ANKRD30BL: variants seen among roughly 807,000 people sequenced by gnomAD.
ANKRD30BL encodes putative ankyrin repeat domain-containing protein 30B-like.
A neutral mutation model predicts 18.4 loss-of-function variants in ANKRD30BL; 20 were observed. The ratio of observed to expected loss-of-function variants is 1.09; its 90% CI spans 0.77 to 1.58. ANKRD30BL has a LOEUF of 1.58. Among genes scored for constraint, ANKRD30BL ranks in the 40% most tolerant of loss-of-function variants. ANKRD30BL has a pLI of 0.00. For synonymous variants in ANKRD30BL, 72 were observed against 100.9 expected (o/e 0.71, Z 1.72); for missense variants, 224 against 268.6 (o/e 0.83, Z 1.16).
At chr2:132,188,229 C>T (rs967053379) in intron 1 of ANKRD30BL, among the ~76,000 whole-genome samples, 1 of 152,136 alleles carries the variant, frequency 6.6e-6, no homozygotes. Flanking sequence ...GCATTTTGCA[C>T]TCTATACCAT....
At chr2:132,160,590 C>A (rs985795385) in intron 1 of ANKRD30BL, among the ~76,000 whole-genome samples, 5 of 151,676 alleles carry the variant, frequency 3.3e-5, no homozygotes, top group South Asian at 2.1e-4. Flanking sequence ...AGGCGCCCAC[C>A]ACCACGCCCG....
At chr2:132,162,276 C>T (rs941245864), upstream of ANKRD30BL, among the ~76,000 whole-genome samples, 37 of 152,210 alleles carry the variant, frequency 2.4e-4, no homozygotes, top group Admixed American at 2.4e-3. Flanking sequence ...CTGGAGGCTT[C>T]TGGCCCAAGT....
chr2:132,161,615 A>C lies in ANKRD30BL; in HGVS notation c.91T>G (p.Ser31Ala), dbSNP rs569306619. Residue 31 changes from serine (S) to alanine (A), a missense_variant, in exon 1 of 6, where the codon TCT becomes GCT. Coordinates refer to ENST00000409867, the MANE Select transcript of ANKRD30BL (RefSeq NM_001358416.1). ...FSQLVYTNND[S>A]YVIHHGDLRK... The stretch of plus-strand genomic sequence containing the variant: ...AGATCCCCATGGTGAATCACGTAAG[A>C]GTCGTTGTTGGTGTAGACCAGCTGA... 55 of 1,453,436 alleles carry C rather than the reference A, an allele frequency of 3.8e-5. No homozygotes were observed. The South Asian group carries it at 6.5e-4, about 17-fold the overall frequency. 90.0% of individuals were successfully genotyped at this position (1,453,436 alleles called of 1,614,324 possible).
chr2:132,220,295 T>C (rs951845683), intron 1 of ANKRD30BL, among the ~76,000 whole-genome samples: 1 of 145,544 alleles, frequency 6.9e-6, no homozygotes, highest in Non-Finnish European at 1.5e-5. Context: ...TCCCTCTCCC[T>C]CTCCCTGTCC....
chr2:132,219,870 G>A (rs199817826), intron 1 of ANKRD30BL, among the ~76,000 whole-genome samples: 126 of 149,232 alleles, frequency 8.4e-4, no homozygotes, highest in Non-Finnish European at 1.3e-3. Flanking sequence ...ACTTCTTTGT[G>A]ATGTGTGCAT....
At chr2:132,189,348 C>T (rs541777012) in intron 1 of ANKRD30BL, among the ~76,000 whole-genome samples, 1 of 152,252 alleles carries the variant, frequency 6.6e-6, no homozygotes, top group African/African-American at 2.4e-5. Flanking sequence ...TTGTGGTTTG[C>T]CTTATATCTT....
At chr2:132,225,963 G>A (rs1057381213) in intron 1 of ANKRD30BL, among the ~76,000 whole-genome samples, 1 of 152,096 alleles carries the variant, frequency 6.6e-6, no homozygotes, top group African/African-American at 2.4e-5. Context: ...GAATCTGCAA[G>A]TGGACATTTG....
chr2:132,200,401 T>A (rs1239606190), intron 1 of ANKRD30BL, among the ~76,000 whole-genome samples: 1 of 152,150 alleles, frequency 6.6e-6, no homozygotes, highest in East Asian at 1.9e-4. Flanking sequence ...AATCCCATTG[T>A]CTCAGCCCAA....
intron 1 of ANKRD30BL, among the ~76,000 whole-genome samples, chr2:132,187,516 G>A (rs1324827044): frequency 4.6e-5 from 7 of 151,660 alleles, no homozygotes; most frequent in African/African-American, 7.3e-5. Flanking sequence ...GGTTTTCACC[G>A]TGTTAGCAAG....
chr2:132,208,583 A>T (rs1214349977), intron 1 of ANKRD30BL, among the ~76,000 whole-genome samples: 3 of 152,130 alleles, frequency 2.0e-5, no homozygotes, highest in Admixed American at 6.6e-5. Flanking sequence ...CTAAATAGTG[A>T]AGACACTCTG....
chr2:132,195,140 T>C (rs1425140631), intron 1 of ANKRD30BL, among the ~76,000 whole-genome samples: 2 of 151,966 alleles, frequency 1.3e-5, no homozygotes, highest in African/African-American at 4.8e-5. Flanking sequence ...AGGAGTACAG[T>C]AGTTGGAAGA....
intron 1 of ANKRD30BL, among the ~76,000 whole-genome samples, chr2:132,218,112 T>A (rs1171845224): frequency 6.6e-6 from 1 of 151,898 alleles, no homozygotes; most frequent in Non-Finnish European, 1.5e-5. Flanking sequence ...TGGAAACGGG[T>A]ATATCTTCAC....
At chr2:132,203,809 TGTA>T (rs555563120) in intron 1 of ANKRD30BL, among the ~76,000 whole-genome samples, 1 of 152,172 alleles carries the variant, frequency 6.6e-6, no homozygotes, top group Non-Finnish European at 1.5e-5. Context: ...TTACCAATGA[TGTA>T]GTAGATTAAT....
chr2:132,224,720 C>T (rs1679793752), intron 1 of ANKRD30BL, among the ~76,000 whole-genome samples: 2 of 151,502 alleles, frequency 1.3e-5, no homozygotes, highest in Non-Finnish European at 2.9e-5. Flanking sequence ...GTAGAAACTT[C>T]CTTTTCATAG....
At chr2:132,257,019 G>A (rs545157048) in intron 1 of ANKRD30BL, 88 of 512,066 alleles carry the variant, frequency 1.7e-4, no homozygotes, top group African/African-American at 1.6e-3. Context: ...GGATCCCACC[G>A]CCACAGACAG....
chr2:132,200,927 G>C (rs1679084841), intron 1 of ANKRD30BL, among the ~76,000 whole-genome samples: 1 of 152,116 alleles, frequency 6.6e-6, no homozygotes, highest in African/African-American at 2.4e-5. Context: ...AAACAGCATG[G>C]TACTGGTACC....
chr2:132,179,863 C>T (rs1688432212), intron 1 of ANKRD30BL, among the ~76,000 whole-genome samples: 1 of 151,406 alleles, frequency 6.6e-6, no homozygotes, highest in Non-Finnish European at 1.5e-5. Context: ...AAAAGTAACA[C>T]AAAAATTAAA....
chr2:132,200,005 A>G (rs1472830321), intron 1 of ANKRD30BL, among the ~76,000 whole-genome samples: 8 of 152,238 alleles, frequency 5.3e-5, no homozygotes. Context: ...AGGCTGGTTC[A>G]ATATACGCAA....
rs531224289 is a variant in ANKRD30BL, at chr2:132,179,274, T to C, written n.442-22128A>G. On this transcript the variant is annotated intron_variant and non_coding_transcript_variant, in intron 1 of 4. Coordinates refer to the ANKRD30BL transcript ENST00000470729. Reference sequence around the variant, plus strand: ...CAATATTACTGGTTTATATATTTACTACTCTATTCTTTTTATCTTTTTTTT... The same window carrying C: ...CAATATTACTGGTTTATATATTTACCACTCTATTCTTTTTATCTTTTTTTT... Among the ~76,000 whole-genome samples, 9 of 147,084 alleles carry C rather than the reference T, an allele frequency of 6.1e-5. No individual in the cohort carries two copies. The South Asian group carries it at 2.0e-3, about 32-fold the overall frequency.
Sources: allele counts gnomAD v4.1 joint callset (sites outside exome capture counted in the v4.1 genomes callset), GRCh38; gene constraint gnomAD v4.1.1; transcripts MANE v1.5; gene names NCBI Gene and HGNC (gene_info 2026-07-23, HGNC 2026-07-21).